IL17RD: variants seen among roughly 807,000 people sequenced by gnomAD.
IL17RD encodes interleukin 17 receptor D.
A neutral mutation model predicts 80.5 loss-of-function variants in IL17RD; 52 were observed. That is an observed-to-expected ratio of 0.65 (90% CI 0.52 to 0.81). IL17RD has a LOEUF of 0.81. Ranked by LOEUF, IL17RD falls within the 40% of genes least tolerant of loss-of-function variation. The pLI is 0.00. For synonymous variants in IL17RD, 416 were observed against 391.8 expected, an observed-to-expected ratio of 1.06 and a Z score of -0.73; for missense variants, 1,024 against 955.1, an observed-to-expected ratio of 1.07 and a Z score of -0.95.
chr3:57,113,750 C>G (rs1032621248), intron 3 of IL17RD, among the ~76,000 whole-genome samples: 1 of 151,636 alleles, frequency 6.6e-6, no homozygotes, highest in Admixed American at 6.6e-5. Flanking sequence ...ACTTTGTTGC[C>G]CAGGCTAGTC....
At chr3:57,139,566 T>G (rs1404162173) in intron 1 of IL17RD, among the ~76,000 whole-genome samples, 1 of 151,520 alleles carries the variant, frequency 6.6e-6, no homozygotes, top group Non-Finnish European at 1.5e-5. Flanking sequence ...CAGGCTGTAG[T>G]GCAGTGGCAT....
chr3:57,164,657 G>A (rs1365812892), intron 1 of IL17RD, among the ~76,000 whole-genome samples: 2 of 152,168 alleles, frequency 1.3e-5, no homozygotes, highest in Admixed American at 6.5e-5. Flanking sequence ...AAAGCTACTA[G>A]AAGAGCGGGG....
chr3:57,104,775 C>T (rs555986854), intron 7 of IL17RD, among the ~76,000 whole-genome samples: 1 of 152,154 alleles, frequency 6.6e-6, no homozygotes, highest in Non-Finnish European at 1.5e-5. Context: ...TTAACATGAG[C>T]AGGAGGTCAA....
rs377527062 is a variant in IL17RD at position 57,101,310 on chromosome 3, C to T, written c.1033G>A (p.Ala345Thr). ...EESSESSTYT[A>T]ALPRERLRPR... is the part of the protein sequence containing the mutation. Reference sequence around the variant, plus strand: ...CGGAGCCTCTCTCTTGGGAGTGCTGCAGTGTATGTGGAAGACTCAGAGCTC... The same window carrying T: ...CGGAGCCTCTCTCTTGGGAGTGCTGTAGTGTATGTGGAAGACTCAGAGCTC... The change falls in exon 11 of 13, where the codon GCA becomes ACA. Residue 345 changes from alanine to threonine, a missense_variant. Transcript: ENST00000296318. 6.2e-7 allele frequency: 1 copy of T among 1,613,068 alleles called. No homozygotes were observed. The highest frequency in any genetic ancestry group is 8.5e-7 in the Non-Finnish European group (1 of 1,179,228).
chr3:57,114,563 GT>G (rs1707169012), intron 3 of IL17RD, 128 bp downstream of exon 3: 9 of 769,096 alleles, frequency 1.2e-5, no homozygotes, highest in Non-Finnish European at 1.8e-5. Context: ...AAGTGTATCT[GT>G]GCCCAATCCA....
chr3:57,163,803 A>AGGGGG (rs1401715931), intron 1 of IL17RD, among the ~76,000 whole-genome samples: 8 of 5,542 alleles, frequency 1.4e-3, no homozygotes, highest in Admixed American at 3.3e-3. Flanking sequence ...CGGGGGGGGA[A>AGGGGG]GGGGGTGGCG....
At chr3:57,165,129 C>A (rs1172196517) in intron 1 of IL17RD, 32 bp downstream of exon 1, 1 of 1,497,612 alleles carries the variant, frequency 6.7e-7, no homozygotes, top group Non-Finnish European at 8.9e-7. Flanking sequence ...CGCGAGTTGG[C>A]GACGGCAAGA....
At chr3:57,154,260 T>TTATATATATATATATATATATATA (rs751847693) in intron 1 of IL17RD, among the ~76,000 whole-genome samples, 1 of 128,604 alleles carries the variant, frequency 7.8e-6, no homozygotes, top group African/African-American at 3.1e-5. Context: ...AAAAAAAAAA[T>TTATATATATATATATATATATATA]TATATATATA....
chr3:57,118,062 T>G (rs1707254394), intron 2 of IL17RD, among the ~76,000 whole-genome samples: 2 of 152,114 alleles, frequency 1.3e-5, no homozygotes, highest in African/African-American at 2.4e-5. Context: ...GATACAAATG[T>G]TTGTTTGCAG....
At chr3:57,098,820 C>T (rs956884804) in intron 11 of IL17RD, among the ~76,000 whole-genome samples, 6 of 152,224 alleles carry the variant, frequency 3.9e-5, no homozygotes, top group Admixed American at 6.5e-5. Context: ...GGGACAGAAG[C>T]GCAGTGCTTT....
intron 4 of IL17RD, 133 bp downstream of exon 4, chr3:57,110,060 C>T: frequency 1.0e-6 from 1 of 959,734 alleles, no homozygotes; most frequent in African/African-American, 1.6e-5. Flanking sequence ...TGCTGCTGTA[C>T]CATTCTTGCC....
In IL17RD at chr3:57,127,349, AATAT is replaced by A. The variant is rs1362122528; in HGVS notation, c.127-7040_127-7037del. On this transcript the variant is annotated intron_variant, in intron 1 of 12. Transcript: ENST00000296318. ...ATAAATATATATAAAAATATATATA[AATAT>A]ATATAAATATAAATATATATATATA... Among the ~76,000 whole-genome samples the A allele has an allele frequency of 2.0e-4, 20 of 101,624 alleles. 2 individuals carry two copies. The highest frequency in any genetic ancestry group is 7.1e-4 in the African/African-American group (12 of 16,840). 66.7% of individuals were successfully genotyped at this position (101,624 alleles called of 152,430 possible).
intron 1 of IL17RD, among the ~76,000 whole-genome samples, chr3:57,154,985 A>G (rs551846037): frequency 6.6e-6 from 1 of 152,250 alleles, no homozygotes; most frequent in South Asian, 2.1e-4. Flanking sequence ...AAGATCAGAA[A>G]TATCTAGTTC....
intron 1 of IL17RD, among the ~76,000 whole-genome samples, chr3:57,153,077 G>T (rs1263274177): frequency 6.6e-6 from 1 of 152,202 alleles, no homozygotes; most frequent in African/African-American, 2.4e-5. Context: ...AGACAGTGTG[G>T]TTGATTTCAA....
chr3:57,096,423 A>G lies in IL17RD; in HGVS notation c.2190T>C (p.Thr730=). The G allele has an allele frequency of 6.2e-7, 1 of 1,613,896 alleles. No individual in the cohort carries two copies. The highest frequency in any genetic ancestry group is 8.5e-7 in the Non-Finnish European group (1 of 1,179,768). ...CKADLGCRSY[T]DELHAVAPL ...AAGGGGCGACCGCGTGGAGTTCATC[A>G]GTGTAGCTGCGGCAACCAAGATCTG... Residue 730 remains threonine (T), a synonymous_variant, in exon 13 of 13, where the codon ACT becomes ACC. Coordinates refer to ENST00000296318, the MANE Select transcript of IL17RD (RefSeq NM_017563.5).
intron 5 of IL17RD, among the ~76,000 whole-genome samples, chr3:57,107,514 C>A (rs1706992494): frequency 6.6e-6 from 1 of 152,178 alleles, no homozygotes; most frequent in Admixed American, 6.5e-5. Context: ...TGGATGAGGG[C>A]TGCAACCAGA....
At chr3:57,149,099 G>A (rs1707997921) in intron 1 of IL17RD, among the ~76,000 whole-genome samples, 1 of 152,118 alleles carries the variant, frequency 6.6e-6, no homozygotes, top group African/African-American at 2.4e-5. Flanking sequence ...ATCATCTGAG[G>A]TCAGGAGTTC....
At chr3:57,127,230 A>T (rs1707482262) in intron 1 of IL17RD, among the ~76,000 whole-genome samples, 1 of 109,052 alleles carries the variant, frequency 9.2e-6, no homozygotes, top group Non-Finnish European at 1.7e-5. Flanking sequence ...AAATATATAT[A>T]AAAATATATA....
intron 5 of IL17RD, among the ~76,000 whole-genome samples, chr3:57,108,902 A>C (rs1395562092): frequency 6.6e-6 from 1 of 152,036 alleles, no homozygotes; most frequent in Non-Finnish European, 1.5e-5. Context: ...CTGCTGCCTC[A>C]GCATCCCAAA....
Sources: allele counts gnomAD v4.1 joint callset (sites outside exome capture counted in the v4.1 genomes callset), GRCh38; gene constraint gnomAD v4.1.1; transcripts MANE v1.5; gene names NCBI Gene and HGNC (gene_info 2026-07-23, HGNC 2026-07-21).